The following STX8 variants were observed in gnomAD, a reference collection of about 807,000 sequenced individuals.
STX8 encodes syntaxin 8, also known as syntaxin-8.
Under a neutral mutation model 37.5 loss-of-function variants are expected in STX8, and 23 were observed. That is an observed-to-expected ratio of 0.61 (90% confidence interval 0.44 to 0.87). The LOEUF (loss-of-function observed/expected upper bound fraction) is 0.87, where lower values mean the gene tolerates loss of function less well. Ranked by LOEUF, STX8 falls within the 40% of genes least tolerant of loss-of-function variation. STX8 has a pLI of 0.00. For synonymous variants in STX8, 115 were observed against 99.1 expected, an observed-to-expected ratio of 1.16 and a Z score of -0.95; for missense variants, 313 against 284.7, an observed-to-expected ratio of 1.10 and a Z score of -0.71.
chr17:9,568,462 G>A lies in STX8; in HGVS notation c.26C>T (p.Thr9Ile), dbSNP rs746153394. MAPDPWFS[T>I]YDSTCQIAQE... The stretch of plus-strand genomic sequence containing the variant: ...GGCAATTTGACAAGTAGAATCGTAT[G>A]TGGAGAACCTGCACCAAAGTCGTAA... Residue 9 changes from threonine to isoleucine, a missense_variant, in exon 2 of 8, where the codon ACA becomes ATA. Coordinates refer to ENST00000306357, the MANE Select transcript of STX8 (RefSeq NM_004853.3). The A allele has an allele frequency of 3.7e-6, 6 of 1,611,934 alleles. No homozygotes were observed. Among genetic ancestry groups the A allele is most frequent in the African/African-American group, 1.3e-5 (1 of 74,978 alleles).
chr17:9,522,539 TCCAAAAA>T (rs1370290180), intron 4 of STX8, among the ~76,000 whole-genome samples: 22 of 112,576 alleles, frequency 2.0e-4, no homozygotes, highest in African/African-American at 8.6e-4. Context: ...CTACTAAAAA[TCCAAAAA>T]AAAAAAAAAA....
At chr17:9,351,084 C>A (rs570238692) in intron 7 of STX8, among the ~76,000 whole-genome samples, 1 of 150,568 alleles carries the variant, frequency 6.6e-6, no homozygotes, top group East Asian at 1.9e-4. Context: ...GTATAATGAA[C>A]ATCTATATAG....
At chr17:9,415,566 T>C (rs374599886) in intron 6 of STX8, among the ~76,000 whole-genome samples, 2 of 151,858 alleles carry the variant, frequency 1.3e-5, no homozygotes, top group African/African-American at 2.4e-5. Flanking sequence ...GGTCAGGAGA[T>C]TGAGCATCCT....
intron 6 of STX8, among the ~76,000 whole-genome samples, chr17:9,481,038 C>A (rs995234884): frequency 1.3e-5 from 2 of 152,124 alleles, no homozygotes; most frequent in Admixed American, 6.6e-5. Context: ...GCACCCGCCA[C>A]CACACCTGGC....
rs867371913 is a variant in STX8 at position 9,366,832 on chromosome 17, A to G, written c.643+11720T>C. On this transcript the variant is annotated intron_variant, in intron 7 of 7. Coordinates refer to ENST00000306357, the MANE Select transcript of STX8 (RefSeq NM_004853.3). Reference sequence around the variant, plus strand: ...CCTCAGTGGTGTTCAATAAATGATAACAGAAAAAAGGAAGGGAAGGAATGA... The same window carrying G: ...CCTCAGTGGTGTTCAATAAATGATAGCAGAAAAAAGGAAGGGAAGGAATGA... 4.6e-5 allele frequency among the ~76,000 whole-genome samples: 7 copies of G among 152,242 alleles called. No homozygotes were observed. In the Middle Eastern group the frequency reaches 0.01, roughly 222 times the overall value.
At chr17:9,284,881 C>T (rs549197562) in intron 7 of STX8, among the ~76,000 whole-genome samples, 2 of 152,282 alleles carry the variant, frequency 1.3e-5, no homozygotes, top group South Asian at 4.1e-4. Context: ...TCTCAGTTCT[C>T]TCCCTTAGTC....
intron 7 of STX8, among the ~76,000 whole-genome samples, chr17:9,336,711 G>A (rs1910152216): frequency 6.6e-6 from 1 of 152,148 alleles, no homozygotes; most frequent in African/African-American, 2.4e-5. Flanking sequence ...TGGGATAACA[G>A]GTGTAAGCCA....
chr17:9,308,164 G>T (rs576399614), intron 7 of STX8, among the ~76,000 whole-genome samples: 1 of 152,204 alleles, frequency 6.6e-6, no homozygotes, highest in Non-Finnish European at 1.5e-5. Flanking sequence ...AACAAAGACG[G>T]TGTGATCTAA....
chr17:9,433,147 G>C (rs7211026), intron 6 of STX8, among the ~76,000 whole-genome samples: 16,760 of 152,148 alleles, frequency 0.11, 2,740 homozygotes, highest in African/African-American at 0.36. Flanking sequence ...AATCACCATC[G>C]TCATAATGCA....
rs781127780 is a variant in STX8, at chr17:9,575,789, C to T, written c.17+3G>A. 6 of 1,544,366 alleles carry T rather than the reference C, an allele frequency of 3.9e-6. No homozygotes were observed. In the African/African-American group the frequency reaches 8.2e-5, roughly 21 times the overall value. The stretch of plus-strand genomic sequence containing the variant: ...CGCACCGCCGCCCTCACCCGGGACT[C>T]ACCAGGGGTCCGGTGCCATCCTGCA... On this transcript the variant is annotated splice_donor_region_variant and intron_variant, in intron 1 of 7. Coordinates refer to ENST00000306357, the MANE Select transcript of STX8 (RefSeq NM_004853.3).
chr17:9,372,161 G>A (rs887039286), intron 7 of STX8, among the ~76,000 whole-genome samples: 4 of 152,122 alleles, frequency 2.6e-5, no homozygotes, highest in Non-Finnish European at 2.9e-5. Flanking sequence ...ATGTCCAGGG[G>A]GCAAATTCAC....
intron 7 of STX8, among the ~76,000 whole-genome samples, chr17:9,275,889 A>G (rs1237537947): frequency 6.6e-6 from 1 of 152,040 alleles, no homozygotes; most frequent in Non-Finnish European, 1.5e-5. Context: ...AAAAAGAAAA[A>G]AAAAAAGGGC....
intron 6 of STX8, among the ~76,000 whole-genome samples, chr17:9,399,495 G>A (rs767920610): frequency 1.1e-4 from 16 of 152,108 alleles, no homozygotes; most frequent in Non-Finnish European, 1.9e-4. Flanking sequence ...AAGAAATGTC[G>A]AAGAAAGAAA....
At chr17:9,403,030 A>G (rs1912679513) in intron 6 of STX8, among the ~76,000 whole-genome samples, 1 of 152,198 alleles carries the variant, frequency 6.6e-6, no homozygotes, top group African/African-American at 2.4e-5. Flanking sequence ...AACCCATCAT[A>G]TAGAGGACTG....
intron 6 of STX8, among the ~76,000 whole-genome samples, chr17:9,449,555 C>T (rs1461603150): frequency 2.6e-5 from 4 of 151,764 alleles, no homozygotes; most frequent in African/African-American, 7.3e-5. Flanking sequence ...AGCGAGACTC[C>T]GTCTCAAAAA....
chr17:9,563,732 AAAATT>A (rs1292259900), intron 2 of STX8, among the ~76,000 whole-genome samples: 1 of 152,234 alleles, frequency 6.6e-6, no homozygotes, highest in Non-Finnish European at 1.5e-5. Context: ...TTACTTATTT[AAAATT>A]AAATTAAAAA....
chr17:9,421,885 C>A (rs973658702), intron 6 of STX8, among the ~76,000 whole-genome samples: 1 of 152,008 alleles, frequency 6.6e-6, no homozygotes, highest in Non-Finnish European at 1.5e-5. Context: ...CTGTTCCAAT[C>A]GAGTTCTCAC....
chr17:9,496,155 A>T (rs1379533169), intron 5 of STX8, among the ~76,000 whole-genome samples: 1 of 150,388 alleles, frequency 6.6e-6, no homozygotes. Flanking sequence ...GGCTCACTGT[A>T]ACCTCCACCT....
At chr17:9,534,887 G>A (rs997507979) in intron 4 of STX8, among the ~76,000 whole-genome samples, 1 of 152,036 alleles carries the variant, frequency 6.6e-6, no homozygotes, top group African/African-American at 2.4e-5. Flanking sequence ...TGTGGTACTA[G>A]CACATAAGTA....
Sources: gnomAD v4.1 joint callset for allele counts (sites outside exome capture counted in the v4.1 genomes callset) on GRCh38, gnomAD v4.1.1 for gene constraint, MANE v1.5 for transcripts, NCBI Gene and HGNC (gene_info 2026-07-23, HGNC 2026-07-21) for gene names.